Variants in EVA1C observed in about 807,000 individuals in gnomAD.
The protein encoded by EVA1C is protein eva-1 homolog C.
In EVA1C, 25 loss-of-function variants were observed where a neutral mutation model predicts 45.4. The ratio of observed to expected loss-of-function variants is 0.55; its 90% confidence interval spans 0.40 to 0.77. The LOEUF (loss-of-function observed/expected upper bound fraction) is 0.77. Ranked by LOEUF, EVA1C falls within the 30% of genes least tolerant of loss-of-function variation. The pLI, the probability that EVA1C is intolerant of heterozygous loss-of-function variation, is 0.00. For missense variants in EVA1C, 479 were observed against 554.8 expected, an observed-to-expected ratio of 0.86 and a Z score of 1.37; for synonymous variants, 190 against 221.2, an observed-to-expected ratio of 0.86 and a Z score of 1.25.
chr21:32,505,245 C>T (rs550875210), intron 7 of EVA1C, among the ~76,000 whole-genome samples: 5 of 152,246 alleles, frequency 3.3e-5, no homozygotes, highest in Admixed American at 1.3e-4. Flanking sequence ...TGTCCTCCTG[C>T]GTCAGGATTC....
At chr21:32,493,594 C>G (rs1601413682) in intron 4 of EVA1C, 1 of 152,414 alleles carries the variant, frequency 6.6e-6, no homozygotes, top group South Asian at 2.1e-4. Flanking sequence ...TGCTCCCACG[C>G]ACAGCGATCT....
At chr21:32,467,427 T>C (rs556424942) in intron 3 of EVA1C, among the ~76,000 whole-genome samples, 2 of 152,308 alleles carry the variant, frequency 1.3e-5, no homozygotes, top group South Asian at 4.1e-4. Context: ...ACTCCATGCA[T>C]CTGCTTCCTT....
chr21:32,434,252 C>T (rs1727598879), intron 1 of EVA1C, among the ~76,000 whole-genome samples: 1 of 151,556 alleles, frequency 6.6e-6, no homozygotes, highest in Admixed American at 6.6e-5. Flanking sequence ...GCCAAGATCG[C>T]ACCACTGCAC....
chr21:32,499,416 C>G (rs2037457142), intron 5 of EVA1C, among the ~76,000 whole-genome samples: 1 of 152,210 alleles, frequency 6.6e-6, no homozygotes, highest in Admixed American at 6.5e-5. Context: ...CCTCAAGGCC[C>G]TGGAAATCAT....
chr21:32,471,828 C>T (rs909607811), intron 4 of EVA1C, among the ~76,000 whole-genome samples: 2 of 151,966 alleles, frequency 1.3e-5, no homozygotes, highest in East Asian at 3.9e-4. Flanking sequence ...CAGGGTTTCA[C>T]TATGTTAGCC....
rs1244840502 is a variant in EVA1C, at chr21:32,438,642, C to A, written c.161-14670C>A. ...AACCTCTTCACCACCCAGCGCACAT[C>A]CAGGAAAGCCCCACTGGTATTGATT... On this transcript the variant is annotated intron_variant, in intron 1 of 7. Transcript: ENST00000300255. Among the ~76,000 whole-genome samples, 3 of 152,198 alleles carry A rather than the reference C, an allele frequency of 2.0e-5. No individual in the cohort carries two copies. In the East Asian group the frequency reaches 5.8e-4, roughly 29 times the overall value.
chr21:32,457,377 G>A (rs1211172850), intron 2 of EVA1C, among the ~76,000 whole-genome samples: 2 of 152,220 alleles, frequency 1.3e-5, no homozygotes, highest in African/African-American at 4.8e-5. Context: ...AGTTTTCCCA[G>A]GAGCCTGGCA....
At chr21:32,499,299 G>A (rs1485136665) in intron 5 of EVA1C, among the ~76,000 whole-genome samples, 1 of 152,190 alleles carries the variant, frequency 6.6e-6, no homozygotes, top group African/African-American at 2.4e-5. Flanking sequence ...AGAAATGAAT[G>A]CGAGGTAATT....
At chr21:32,421,651 T>A (rs2034276704) in intron 1 of EVA1C, among the ~76,000 whole-genome samples, 1 of 152,184 alleles carries the variant, frequency 6.6e-6, no homozygotes, top group African/African-American at 2.4e-5. Flanking sequence ...CATCTATAGA[T>A]TCCTATAGCT....
chr21:32,488,338 T>C (rs2037041643), intron 4 of EVA1C, among the ~76,000 whole-genome samples: 1 of 152,186 alleles, frequency 6.6e-6, no homozygotes, highest in Admixed American at 6.5e-5. Flanking sequence ...TGCTGGGTCA[T>C]ATAGTAGCTC....
At chr21:32,457,225 CCCG>C (rs2035816661) in intron 2 of EVA1C, among the ~76,000 whole-genome samples, 1 of 152,126 alleles carries the variant, frequency 6.6e-6, no homozygotes, top group Non-Finnish European at 1.5e-5. Flanking sequence ...GCTAGGGGAC[CCCG>C]CTCGAAGGGG....
chr21:32,431,762 A>T (rs1428265555), intron 1 of EVA1C, among the ~76,000 whole-genome samples: 1 of 152,160 alleles, frequency 6.6e-6, no homozygotes, highest in African/African-American at 2.4e-5. Flanking sequence ...CATTTGCTTT[A>T]TTATTTTCTA....
chr21:32,467,403 C>T (rs1429193454), intron 3 of EVA1C, among the ~76,000 whole-genome samples: 5 of 152,174 alleles, frequency 3.3e-5, no homozygotes, highest in South Asian at 2.1e-4. Context: ...TAGCCAGGTC[C>T]TTCCTGGGAC....
chr21:32,472,284 GAGTAGCTGGGACTAC>G (rs2036403818), intron 4 of EVA1C, among the ~76,000 whole-genome samples: 1 of 152,082 alleles, frequency 6.6e-6, no homozygotes, highest in South Asian at 2.1e-4. Flanking sequence ...TCAACCTCCT[GAGTAGCTGGGACTAC>G]AGGCATGTGC....
At position 32,501,155 on chromosome 21, in the gene EVA1C, T is replaced by C. The variant is rs568376542; in HGVS notation, c.779-260T>C. Among the ~76,000 whole-genome samples, 112 of 152,318 alleles carry C rather than the reference T, an allele frequency of 7.4e-4. 2 individuals carry two copies. In the South Asian group the frequency reaches 0.023, roughly 31 times the overall value. ...TGAGGTGTATTCTGCTAGATGGATA[T>C]ATCATATCTTGTTTTTATTCTCCAT... On this transcript the variant is annotated intron_variant, in intron 5 of 7. Coordinates refer to ENST00000300255, the MANE Select transcript of EVA1C (RefSeq NM_058187.5).
upstream of EVA1C, chr21:32,412,509 G>T: frequency 4.7e-6 from 1 of 211,466 alleles, no homozygotes; most frequent in Non-Finnish European, 9.3e-6. Flanking sequence ...TGGGCAGCGC[G>T]CCAGGGATCG....
chr21:32,441,672 C>T (rs2035179061), intron 1 of EVA1C, among the ~76,000 whole-genome samples: 1 of 151,876 alleles, frequency 6.6e-6, no homozygotes, highest in Admixed American at 6.6e-5. Context: ...CACAAGTGGA[C>T]AACTACATAG....
intron 5 of EVA1C, chr21:32,497,092 G>C: frequency 1.1e-6 from 1 of 938,154 alleles, no homozygotes. Flanking sequence ...GCTTTTTAAA[G>C]TGACTGGGCT....
intron 1 of EVA1C, among the ~76,000 whole-genome samples, chr21:32,417,621 T>C (rs541176563): frequency 5.1e-4 from 77 of 152,324 alleles, no homozygotes; most frequent in African/African-American, 1.4e-3. Context: ...ACCTGACTGA[T>C]AGCTCTTTAT....
Sources: allele counts gnomAD v4.1 joint callset (sites outside exome capture counted in the v4.1 genomes callset), GRCh38; gene constraint gnomAD v4.1.1; transcripts MANE v1.5; gene names NCBI Gene and HGNC (gene_info 2026-07-23, HGNC 2026-07-21).